Variants in CCBE1 observed in about 807,000 individuals in gnomAD.
CCBE1 encodes the protein collagen and calcium-binding EGF domain-containing protein 1.
A neutral mutation model predicts 50.0 loss-of-function variants in CCBE1; 37 were observed. The ratio of observed to expected loss-of-function variants is 0.74; its 90% CI spans 0.57 to 0.97. The LOEUF (loss-of-function observed/expected upper bound fraction) is 0.97. CCBE1 is among the 50% of genes least tolerant of loss of function. The pLI, the probability that CCBE1 is intolerant of heterozygous loss-of-function variation, is 0.00. For synonymous variants in CCBE1, 234 were observed against 203.7 expected (o/e 1.15, Z -1.27); for missense variants, 538 against 523.8 (o/e 1.03, Z -0.26).
chr18:59,543,733 G>A (rs1029617025), intron 2 of CCBE1, among the ~76,000 whole-genome samples: 1 of 151,260 alleles, frequency 6.6e-6, no homozygotes, highest in African/African-American at 2.4e-5. Flanking sequence ...TATTCAGGAG[G>A]CTGAGGCAGG....
chr18:59,530,495 A>T (rs1256987227), intron 2 of CCBE1, among the ~76,000 whole-genome samples: 1 of 152,162 alleles, frequency 6.6e-6, no homozygotes, highest in African/African-American at 2.4e-5. Flanking sequence ...TCTAAAGTTC[A>T]TCATCTTCAT....
intron 2 of CCBE1, among the ~76,000 whole-genome samples, chr18:59,543,346 ATACAGTAT>A (rs1430777215): frequency 3.3e-5 from 5 of 152,212 alleles, no homozygotes; most frequent in African/African-American, 1.2e-4. Context: ...TCAGTGAAAT[ATACAGTAT>A]TAAAGTATTT....
At chr18:59,668,415 T>C (rs1194368352) in intron 2 of CCBE1, among the ~76,000 whole-genome samples, 1 of 150,132 alleles carries the variant, frequency 6.7e-6, no homozygotes, top group African/African-American at 2.5e-5. Context: ...AGACTCCATC[T>C]CAAAATAATA....
At chr18:59,674,334 A>G (rs2054470698) in intron 2 of CCBE1, among the ~76,000 whole-genome samples, 1 of 152,200 alleles carries the variant, frequency 6.6e-6, no homozygotes. Flanking sequence ...TGGGGACATG[A>G]AGCTGGAAAC....
chr18:59,550,642 C>T (rs1333961274), intron 2 of CCBE1, among the ~76,000 whole-genome samples: 1 of 152,144 alleles, frequency 6.6e-6, no homozygotes. Context: ...AGAACATTAG[C>T]AGCTCAAGAA....
intron 7 of CCBE1, among the ~76,000 whole-genome samples, chr18:59,445,498 A>G (rs1445743041): frequency 6.6e-6 from 1 of 152,242 alleles, no homozygotes; most frequent in African/African-American, 2.4e-5. Context: ...CCTAGTACTG[A>G]CAGAGCAGTG....
At chr18:59,676,838 G>A (rs897955981) in intron 2 of CCBE1, among the ~76,000 whole-genome samples, 8 of 152,308 alleles carry the variant, frequency 5.3e-5, no homozygotes, top group Non-Finnish European at 1.2e-4. Context: ...AGAAGGATTA[G>A]GAACCAGAAT....
At chr18:59,473,374 TC>T (rs757841999) in intron 3 of CCBE1, among the ~76,000 whole-genome samples, 68 of 152,296 alleles carry the variant, frequency 4.5e-4, no homozygotes, top group Admixed American at 2.3e-3. Flanking sequence ...ATGAATCACA[TC>T]TTTTTTCCTC....
intron 2 of CCBE1, among the ~76,000 whole-genome samples, chr18:59,605,295 T>C (rs866518835): frequency 2.0e-5 from 3 of 152,230 alleles, no homozygotes; most frequent in Admixed American, 1.3e-4. Context: ...AGCCGGATCT[T>C]TCCTCTATTT....
intron 2 of CCBE1, among the ~76,000 whole-genome samples, chr18:59,597,126 C>T (rs1205783967): frequency 3.9e-5 from 6 of 152,224 alleles, no homozygotes; most frequent in Non-Finnish European, 7.3e-5. Flanking sequence ...GCTCTGTGAT[C>T]AGGCTAGGGG....
At chr18:59,680,427 G>A (rs947400845) in intron 2 of CCBE1, among the ~76,000 whole-genome samples, 9 of 151,788 alleles carry the variant, frequency 5.9e-5, no homozygotes, top group African/African-American at 1.7e-4. Context: ...AAGGCCAGGC[G>A]CGGTGGTTTG....
At chr18:59,455,694 G>A (rs899913553) in intron 5 of CCBE1, among the ~76,000 whole-genome samples, 11 of 152,258 alleles carry the variant, frequency 7.2e-5, no homozygotes, top group African/African-American at 2.7e-4. Flanking sequence ...ACTTAAGCCT[G>A]CATGCTGGGG....
intron 2 of CCBE1, among the ~76,000 whole-genome samples, chr18:59,604,252 G>A (rs978424884): frequency 1.3e-5 from 2 of 151,036 alleles, no homozygotes; most frequent in African/African-American, 4.9e-5. Flanking sequence ...CCTCTTCATA[G>A]GTTCAAGACA....
intron 2 of CCBE1, among the ~76,000 whole-genome samples, chr18:59,690,936 G>A (rs1167467347): frequency 6.6e-6 from 1 of 152,174 alleles, no homozygotes; most frequent in Non-Finnish European, 1.5e-5. Flanking sequence ...GTTAGCTATA[G>A]CTGCCAGAAT....
rs10646215 is a variant in CCBE1, at chr18:59,655,085, C to CAAAA, written c.212+41540_212+41543dup. On this transcript the variant is annotated intron_variant, in intron 2 of 10. Coordinates refer to ENST00000439986, the MANE Select transcript of CCBE1 (RefSeq NM_133459.4). ...CTGGGCGACACCACTGAGACTATGT[C>CAAAA]AAAAAAAAAAAAAAAGCCCAGAGAA... Among the ~76,000 whole-genome samples, 1,079 of 122,540 alleles carry CAAAA rather than the reference C, an allele frequency of 8.8e-3. 22 individuals are homozygous for CAAAA. Among genetic ancestry groups the CAAAA allele is most frequent in the East Asian group, 0.016 (67 of 4,250 alleles). 80.4% of individuals were successfully genotyped at this position (122,540 alleles called of 152,430 possible). A position where few individuals can be genotyped will look rare whatever the true frequency, so the allele number is the denominator to read the frequency against.
intron 2 of CCBE1, among the ~76,000 whole-genome samples, chr18:59,583,470 C>T (rs1450432516): frequency 6.6e-6 from 1 of 152,148 alleles, no homozygotes; most frequent in African/African-American, 2.4e-5. Flanking sequence ...AAACTGTGCC[C>T]AAGTGAGAAG....
chr18:59,558,959 T>C (rs2851873), intron 2 of CCBE1, among the ~76,000 whole-genome samples: 120,978 of 152,176 alleles, frequency 0.79, 48,704 homozygotes, highest in African/African-American at 0.92. Context: ...GCTCTTTCTG[T>C]TCATCCACTC....
chr18:59,663,235 G>A (rs1599114159), intron 2 of CCBE1, among the ~76,000 whole-genome samples: 2 of 152,194 alleles, frequency 1.3e-5, no homozygotes, highest in Admixed American at 1.3e-4. Flanking sequence ...CAGTCAGAGA[G>A]GAGGTAACTA....
At chr18:59,546,538 A>G (rs903661057) in intron 2 of CCBE1, among the ~76,000 whole-genome samples, 3 of 152,254 alleles carry the variant, frequency 2.0e-5, no homozygotes, top group African/African-American at 4.8e-5. Flanking sequence ...AGGCCATATG[A>G]AGAAAGAGCT....
Sources: allele counts gnomAD v4.1 joint callset (sites outside exome capture counted in the v4.1 genomes callset), GRCh38; gene constraint gnomAD v4.1.1; transcripts MANE v1.5; gene names NCBI Gene and HGNC (gene_info 2026-07-23, HGNC 2026-07-21).